The following BASP1 variants were observed in gnomAD, a reference collection of about 807,000 sequenced individuals.
The protein encoded by BASP1 is brain acid soluble protein 1.
BASP1 carries 1 observed loss-of-function variant against 2.2 expected under a neutral mutation model. That is an observed-to-expected ratio of 0.46 (90% CI 0.16 to 2.17). The LOEUF (loss-of-function observed/expected upper bound fraction) is 2.17, where lower values mean the gene tolerates loss of function less well. Ranked by LOEUF, BASP1 falls within the 30% of genes most tolerant of loss-of-function variation. The pLI is 0.27. For synonymous variants in BASP1, 187 were observed against 154.2 expected, an observed-to-expected ratio of 1.21 and a Z score of -1.58; for missense variants, 352 against 327.2, an observed-to-expected ratio of 1.08 and a Z score of -0.58.
rs774730169 is a variant in BASP1, at chr5:17,275,391, G to A, written c.175G>A (p.Asp59Asn). 1.3e-6 allele frequency: 2 copies of A among 1,586,338 alleles called. No individual in the cohort carries two copies. The highest frequency in any genetic ancestry group is 2.3e-5 in the East Asian group (1 of 43,710). Residue 59 changes from aspartate to asparagine, a missense_variant, in exon 2 of 2, where the codon GAC becomes AAC. Transcript: ENST00000322611. This position sits in a 1 kb window ranked among gnomAD's most constrained non-coding sequence, Gnocchi z 5.3. ...AEAKEGKEKPDQDAEGKAEEK... is the reference protein window; with the variant it reads ...AEAKEGKEKPNQDAEGKAEEK... ...GGCCAAGGAGGGCAAGGAGAAGCCC[G>A]ACCAGGACGCCGAGGGCAAGGCCGA...
chr5:17,219,295 G>A (rs756308766), intron 1 of BASP1, among the ~76,000 whole-genome samples: 1 of 152,188 alleles, frequency 6.6e-6, no homozygotes, highest in Non-Finnish European at 1.5e-5. Flanking sequence ...CTCCCGAGCC[G>A]AGGAACAAAG....
chr5:17,265,288 T>G (rs916334569), intron 1 of BASP1, among the ~76,000 whole-genome samples: 5 of 152,188 alleles, frequency 3.3e-5, no homozygotes, highest in Admixed American at 2.0e-4. Context: ...CTTGCCATTT[T>G]TCATCCAAAA....
At position 17,251,984 on chromosome 5, in the gene BASP1, C is replaced by G. The variant is rs115030568; in HGVS notation, c.-9-23224C>G. On this transcript the variant is annotated intron_variant, in intron 1 of 1. Coordinates refer to ENST00000322611, the MANE Select transcript of BASP1 (RefSeq NM_006317.5). This position sits in a 1 kb window ranked among gnomAD's most constrained non-coding sequence, Gnocchi z 4.0. ...TCAGTATCCCAGAGGGCTTTCAAAA[C>G]CCTTCAACTGGATGGGTCTCCCAGC... Among the ~76,000 whole-genome samples the G allele has an allele frequency of 3.1e-3, 478 of 152,202 alleles. 4 individuals are homozygous for G. The highest frequency in any genetic ancestry group is 0.011 in the African/African-American group (457 of 41,522).
rs910282039 is a variant in BASP1 at position 17,259,757 on chromosome 5, T to C, written c.-9-15451T>C. ...TGGAGTAGGCAGGCTTCCCCTCTTCTCCCTAATCACCAGCCTGTCTTTGTC... is the reference window on the plus strand; with the variant it reads ...TGGAGTAGGCAGGCTTCCCCTCTTCCCCCTAATCACCAGCCTGTCTTTGTC... On this transcript the variant is annotated intron_variant, in intron 1 of 1. Transcript: ENST00000322611. Among the ~76,000 whole-genome samples, 136 of 152,190 alleles carry C rather than the reference T, an allele frequency of 8.9e-4. 1 individual carries two copies. The highest frequency in any genetic ancestry group is 8.4e-4 in the Non-Finnish European group (57 of 68,042).
chr5:17,251,470 T>G lies in BASP1; in HGVS notation c.-9-23738T>G, dbSNP rs183692573. On this transcript the variant is annotated intron_variant, in intron 1 of 1. Coordinates refer to ENST00000322611, the MANE Select transcript of BASP1 (RefSeq NM_006317.5). The surrounding 1 kb of genome is among the most constrained non-coding windows in gnomAD (Gnocchi z 4.0). ...ATATGTTAAAAAGATTTCAGACTCATCTCTCAGCTCTTCCTTCCACAGTGT... is the reference window on the plus strand; with the variant it reads ...ATATGTTAAAAAGATTTCAGACTCAGCTCTCAGCTCTTCCTTCCACAGTGT... 4.7e-4 allele frequency among the ~76,000 whole-genome samples: 72 copies of G among 152,320 alleles called. 1 individual carries two copies. The highest frequency in any genetic ancestry group is 3.5e-3 in the Admixed American group (54 of 15,302).
In BASP1 at chr5:17,275,575, C is replaced by G; in HGVS notation, c.359C>G (p.Pro120Arg). ...APGPAAGGEA[P>R]KAAEAAAAPA... ...GGCCCCGCTGCGGGCGGCGAGGCCC[C>G]CAAAGCTGCTGAGGCCGCCGCGGCC... The change falls in exon 2 of 2, where the codon CCC (proline) becomes CGC (arginine). Residue 120 changes from proline to arginine, a missense_variant. Physicochemically the swap from Pro to Arg is moderately radical, Grantham distance 103. Coordinates refer to ENST00000322611, the MANE Select transcript of BASP1 (RefSeq NM_006317.5). The surrounding 1 kb of genome is among the most constrained non-coding windows in gnomAD (Gnocchi z 5.3). The G allele has an allele frequency of 7.1e-7, 1 of 1,408,590 alleles. No homozygotes were observed. Among genetic ancestry groups the G allele is most frequent in the Non-Finnish European group, 9.2e-7 (1 of 1,086,372 alleles). The allele number at this position is 1,408,590 out of a possible 1,614,324, so 87.3% of individuals were successfully genotyped here. A position where few individuals can be genotyped will look rare whatever the true frequency, so the allele number is the denominator to read the frequency against.
intron 1 of BASP1, among the ~76,000 whole-genome samples, chr5:17,259,451 A>G (rs1740274207): frequency 6.6e-6 from 1 of 152,184 alleles, no homozygotes; most frequent in Non-Finnish European, 1.5e-5. Context: ...TTTGGCAAAC[A>G]TTTACCAAAC....
intron 1 of BASP1, among the ~76,000 whole-genome samples, chr5:17,250,118 G>GT (rs979074929): frequency 7.9e-5 from 12 of 151,638 alleles, no homozygotes; most frequent in Non-Finnish European, 1.5e-4. Flanking sequence ...ATTTTTGTAT[G>GT]TTTTTTTTAG....
rs563624910 is a variant in BASP1, at chr5:17,260,711, G to C, written c.-9-14497G>C. Among the ~76,000 whole-genome samples, 1 of 152,260 alleles carries C rather than the reference G, an allele frequency of 6.6e-6. No individual in the cohort carries two copies. The highest frequency in any genetic ancestry group is 2.1e-4 in the South Asian group (1 of 4,822). On this transcript the variant is annotated intron_variant, in intron 1 of 1. Coordinates refer to ENST00000322611, the MANE Select transcript of BASP1 (RefSeq NM_006317.5). This position sits in a 1 kb window ranked among gnomAD's most constrained non-coding sequence, Gnocchi z 4.2. ...TTCCCGTCTGTAGTGAGTCTGTGAT[G>C]TTTATCTAGTACCCATTGTGCACGA...
At chr5:17,234,825 A>G (rs1054287934) in intron 1 of BASP1, among the ~76,000 whole-genome samples, 2 of 152,202 alleles carry the variant, frequency 1.3e-5, no homozygotes, top group African/African-American at 4.8e-5. Context: ...TTTTTCTTCA[A>G]TCTGTCCCTA....
intron 1 of BASP1, among the ~76,000 whole-genome samples, chr5:17,271,323 T>C (rs1198744101): frequency 6.6e-6 from 1 of 152,146 alleles, no homozygotes; most frequent in Non-Finnish European, 1.5e-5. Flanking sequence ...GGTTTTGCCA[T>C]GTTGGCCAGG....
At chr5:17,273,656 G>T (rs896595441) in intron 1 of BASP1, among the ~76,000 whole-genome samples, 1 of 152,166 alleles carries the variant, frequency 6.6e-6, no homozygotes, top group Non-Finnish European at 1.5e-5. Flanking sequence ...TTCCAAGGAA[G>T]TAATAAACAG....
chr5:17,264,979 T>C (rs1241461260), intron 1 of BASP1, among the ~76,000 whole-genome samples: 2 of 152,234 alleles, frequency 1.3e-5, no homozygotes, highest in Admixed American at 6.5e-5. Context: ...GTAGTGAACA[T>C]AGTAACTTTC....
chr5:17,235,620 C>T (rs972111731), intron 1 of BASP1, among the ~76,000 whole-genome samples: 23 of 152,126 alleles, frequency 1.5e-4, no homozygotes, highest in East Asian at 1.9e-4. Context: ...CAGATGTCGA[C>T]GTTACTTTTG....
intron 1 of BASP1, among the ~76,000 whole-genome samples, chr5:17,234,318 C>T (rs1331669737): frequency 1.3e-5 from 2 of 152,096 alleles, no homozygotes; most frequent in East Asian, 1.9e-4. Flanking sequence ...TCTATTCCTG[C>T]TCTATAAATA....
At chr5:17,230,314 T>C (rs780540787) in intron 1 of BASP1, among the ~76,000 whole-genome samples, 1 of 152,084 alleles carries the variant, frequency 6.6e-6, no homozygotes, top group Non-Finnish European at 1.5e-5. Flanking sequence ...TAGAAGCAAG[T>C]GCAGGAAGAG....
chr5:17,221,365 G>GTTTT (rs35430036), intron 1 of BASP1, among the ~76,000 whole-genome samples: 4 of 120,988 alleles, frequency 3.3e-5, no homozygotes, highest in African/African-American at 1.3e-4. Context: ...TCTTGTAAAT[G>GTTTT]TTTTTTTTTT....
Position 17,275,969 on chromosome 5 carries a change from CTAT to C in BASP1, c.*70_*72del. ...CCTCTCTCTCTCTCTCTCTCTCTCT[CTAT>C]CTCTCTCTCTATCTCCTCTCTCTCT... On this transcript the variant is annotated 3_prime_UTR_variant, in exon 2 of 2. Coordinates refer to ENST00000322611, the MANE Select transcript of BASP1 (RefSeq NM_006317.5). This position sits in a 1 kb window ranked among gnomAD's most constrained non-coding sequence, Gnocchi z 5.3. 2.0e-6 allele frequency: 2 copies of C among 987,460 alleles called. No homozygotes were observed. The highest frequency in any genetic ancestry group is 2.8e-6 in the Non-Finnish European group (2 of 705,628). 61.2% of individuals were successfully genotyped at this position (987,460 alleles called of 1,614,324 possible).
At position 17,231,876 on chromosome 5, in the gene BASP1, T is replaced by C. The variant is rs1739638779; in HGVS notation, c.-10+14066T>C. On this transcript the variant is annotated intron_variant, in intron 1 of 1. Coordinates refer to ENST00000322611, the MANE Select transcript of BASP1 (RefSeq NM_006317.5). Reference sequence around the variant, plus strand: ...CCAAGCACCCCATGTCTGTTCAGTGTTGAAGGTTGTCTACAGTACATTATG... The same window carrying C: ...CCAAGCACCCCATGTCTGTTCAGTGCTGAAGGTTGTCTACAGTACATTATG... 3.9e-5 allele frequency among the ~76,000 whole-genome samples: 6 copies of C among 152,314 alleles called. No homozygotes were observed. The South Asian group carries it at 1.2e-3, about 32-fold the overall frequency.
Sources: gnomAD v4.1 joint callset for allele counts (sites outside exome capture counted in the v4.1 genomes callset) on GRCh38, gnomAD v4.1.1 for gene constraint, Gnocchi (gnomAD v3.1) non-coding constraint, MANE v1.5 for transcripts, NCBI Gene and HGNC (gene_info 2026-07-23, HGNC 2026-07-21) for gene names.